Variants in CAMTA1 observed in about 807,000 individuals in gnomAD.
CAMTA1 encodes calmodulin binding transcription activator 1.
CAMTA1 carries 27 observed loss-of-function variants against 170.9 expected under a neutral mutation model. The observed-to-expected ratio is 0.16, with a 90% CI of 0.12 to 0.22. The LOEUF (loss-of-function observed/expected upper bound fraction) is 0.22. Ranked by LOEUF, CAMTA1 falls within the 10% of genes least tolerant of loss-of-function variation. CAMTA1 has a pLI of 1.00. For missense variants in CAMTA1, 1,619 were observed against 2,217.2 expected (o/e 0.73, Z 5.42); for synonymous variants, 833 against 891.5 (o/e 0.93, Z 1.17).
At position 7,633,292 on chromosome 1, in the gene CAMTA1, C is replaced by T. The variant is rs1482141782; in HGVS notation, c.511-7108C>T. Among the ~76,000 whole-genome samples the T allele has an allele frequency of 6.6e-6, 1 of 152,234 alleles. No homozygotes were observed. The highest frequency in any genetic ancestry group is 1.5e-5 in the Non-Finnish European group (1 of 68,046). ...CTGGCAGGGCCCTGGGAGTCTGGAA[C>T]TGGGGAGGTCAGCAGCTCCAAATGC... On this transcript the variant is annotated intron_variant, in intron 6 of 22. Transcript: ENST00000303635. This position sits in a 1 kb window ranked among gnomAD's most constrained non-coding sequence, Gnocchi z 4.1.
chr1:7,281,799 TTGTGTGTGTG>T (rs57489369), intron 5 of CAMTA1, among the ~76,000 whole-genome samples: 2,086 of 139,130 alleles, frequency 0.015, 36 homozygotes, highest in African/African-American at 0.042. Flanking sequence ...GGGAAAGAAA[TTGTGTGTGTG>T]TGTGTGTGTG....
chr1:6,932,029 G>GCTT (rs1684506221), intron 3 of CAMTA1, among the ~76,000 whole-genome samples: 1 of 152,168 alleles, frequency 6.6e-6, no homozygotes, highest in Non-Finnish European at 1.5e-5. Context: ...TCTGAAAACA[G>GCTT]CTTTATTGAG....
chr1:7,403,123 T>A (rs1575133371), intron 5 of CAMTA1, among the ~76,000 whole-genome samples: 1 of 151,892 alleles, frequency 6.6e-6, no homozygotes, highest in African/African-American at 2.4e-5. Context: ...GAGGCCTAGG[T>A]GGGGGGATCA....
At chr1:7,655,091 T>C (rs1390786282) in intron 7 of CAMTA1, among the ~76,000 whole-genome samples, 5 of 40,662 alleles carry the variant, frequency 1.2e-4, no homozygotes, top group African/African-American at 2.9e-4. Flanking sequence ...CACCCACCTA[T>C]ACACACACAC....
At chr1:7,679,906 AAT>A (rs951736691) in intron 11 of CAMTA1, among the ~76,000 whole-genome samples, 14 of 152,224 alleles carry the variant, frequency 9.2e-5, no homozygotes, top group African/African-American at 3.1e-4. Context: ...CCTTTCAAGG[AAT>A]GAGTGGGAGG....
chr1:7,268,578 A>G (rs4908613), intron 5 of CAMTA1, among the ~76,000 whole-genome samples: 123,695 of 152,022 alleles, frequency 0.81, 50,683 homozygotes, highest in Admixed American at 0.87. Context: ...TTAATAATGG[A>G]GCTAAACTCT....
chr1:6,794,524 A>G (rs555477126), intron 1 of CAMTA1, among the ~76,000 whole-genome samples: 15 of 152,220 alleles, frequency 9.9e-5, no homozygotes, highest in Non-Finnish European at 2.1e-4. Context: ...TTTTGGGTGA[A>G]TGGCTACTTT....
chr1:7,207,690 C>T (rs992284204), intron 4 of CAMTA1, among the ~76,000 whole-genome samples: 1 of 152,074 alleles, frequency 6.6e-6, no homozygotes, highest in African/African-American at 2.4e-5. Context: ...TCCCTTATTT[C>T]TTATGACCAA....
In CAMTA1 at chr1:7,680,866, A is replaced by AGCG. The variant is rs1158096649; in HGVS notation, c.2914+3135_2914+3136insGGC. ...CACGCGCGCGCGCGCGCGCGCCAGC[A>AGCG]GCAGCAGCAGCAGCAGCTGCTGCGG... On this transcript the variant is annotated intron_variant, in intron 11 of 22. Coordinates refer to ENST00000303635, the MANE Select transcript of CAMTA1 (RefSeq NM_015215.4). The surrounding 1 kb of genome is among the most constrained non-coding windows in gnomAD (Gnocchi z 4.4). Among the ~76,000 whole-genome samples, 1 of 135,422 alleles carries AGCG rather than the reference A, an allele frequency of 7.4e-6. No individual in the cohort carries two copies. The highest frequency in any genetic ancestry group is 2.7e-5 in the African/African-American group (1 of 37,432). The allele number at this position is 135,422 out of a possible 152,430, so 88.8% of individuals were successfully genotyped here.
chr1:7,118,502 G>A (rs1477844211), intron 4 of CAMTA1, among the ~76,000 whole-genome samples: 1 of 151,444 alleles, frequency 6.6e-6, no homozygotes, highest in Non-Finnish European at 1.5e-5. Flanking sequence ...GTCTTCATGT[G>A]TTCCCCAGGC....
intron 4 of CAMTA1, among the ~76,000 whole-genome samples, chr1:7,202,367 G>A (rs1255556129): frequency 2.0e-5 from 3 of 152,232 alleles, no homozygotes; most frequent in East Asian, 3.9e-4. Context: ...TGGCTATTCT[G>A]TGTCTCTTAC....
In CAMTA1 at chr1:7,738,357, G is replaced by A; in HGVS notation, c.4057G>A (p.Val1353Met). ...SVGKEAAPSQVRPREPMSVLM... is the reference protein window; with the variant it reads ...SVGKEAAPSQMRPREPMSVLM... ...AGGAAAGGAGGCAGCACCTTCACAGGTGCGTCCACGGGAACCAATGAGTGT... is the reference window on the plus strand; with the variant it reads ...AGGAAAGGAGGCAGCACCTTCACAGATGCGTCCACGGGAACCAATGAGTGT... Residue 1353 changes from valine (V) to methionine (M), a missense_variant, in exon 16 of 23, where the codon GTG (valine) becomes ATG (methionine). By Grantham distance (21) the Val-to-Met change is conservative. Transcript: ENST00000303635. The surrounding 1 kb of genome is among the most constrained non-coding windows in gnomAD (Gnocchi z 4.9). 6.2e-7 allele frequency: 1 copy of A among 1,614,210 alleles called. No homozygotes were observed. The highest frequency in any genetic ancestry group is 8.5e-7 in the Non-Finnish European group (1 of 1,180,042).
intron 5 of CAMTA1, among the ~76,000 whole-genome samples, chr1:7,275,125 A>G (rs1670380468): frequency 7.2e-6 from 1 of 139,596 alleles, no homozygotes; most frequent in Non-Finnish European, 1.5e-5. Context: ...CTGGGCAGGG[A>G]GACAGAGTGA....
At chr1:6,827,506 A>G (rs767948361) in intron 3 of CAMTA1, among the ~76,000 whole-genome samples, 27 of 151,782 alleles carry the variant, frequency 1.8e-4, no homozygotes, top group Non-Finnish European at 3.7e-4. Context: ...TTAATTCTGC[A>G]GAATGTTATG....
rs374715184 is a variant in CAMTA1 at position 7,248,436 on chromosome 1, G to A, written c.303-1055G>A. On this transcript the variant is annotated intron_variant, in intron 4 of 22. Coordinates refer to ENST00000303635, the MANE Select transcript of CAMTA1 (RefSeq NM_015215.4). This position sits in a 1 kb window ranked among gnomAD's most constrained non-coding sequence, Gnocchi z 4.0. ...CAAGCCTGCACTGGCCTCGTGGTGC[G>A]CAGAATCGCTGGCATTCCTCTTCCC... 1.4e-4 allele frequency among the ~76,000 whole-genome samples: 22 copies of A among 152,322 alleles called. No homozygotes were observed. The highest frequency in any genetic ancestry group is 3.9e-4 in the East Asian group (2 of 5,190).
At chr1:7,189,982 A>G (rs951181661) in intron 4 of CAMTA1, among the ~76,000 whole-genome samples, 3 of 152,254 alleles carry the variant, frequency 2.0e-5, no homozygotes, top group Admixed American at 6.5e-5. Flanking sequence ...TGGCATTTGC[A>G]GTAACCTGGA....
chr1:6,995,620 A>G (rs1697139429), intron 3 of CAMTA1, among the ~76,000 whole-genome samples: 1 of 152,070 alleles, frequency 6.6e-6, no homozygotes, highest in Non-Finnish European at 1.5e-5. Flanking sequence ...TTGTCTTCCA[A>G]TTTCAACATC....
At chr1:6,800,169 G>A (rs1013293045) in intron 1 of CAMTA1, among the ~76,000 whole-genome samples, 1 of 152,112 alleles carries the variant, frequency 6.6e-6, no homozygotes, top group African/African-American at 2.4e-5. Context: ...ACTTTGGGAG[G>A]CCGAGACGGG....
chr1:7,061,395 G>A (rs1006350905), intron 3 of CAMTA1, among the ~76,000 whole-genome samples: 3 of 152,240 alleles, frequency 2.0e-5, no homozygotes, highest in Admixed American at 6.5e-5. Context: ...GCGAGCGGGT[G>A]TCACCCGAGC....
Sources: allele counts gnomAD v4.1 joint callset (sites outside exome capture counted in the v4.1 genomes callset), GRCh38; gene constraint gnomAD v4.1.1; non-coding constraint Gnocchi (gnomAD v3.1); transcripts MANE v1.5; gene names NCBI Gene and HGNC (gene_info 2026-07-23, HGNC 2026-07-21).